Variants in FHIT observed in about 807,000 individuals in gnomAD.
FHIT encodes bis(5'-adenosyl)-triphosphatase.
Under a neutral mutation model 17.9 loss-of-function variants are expected in FHIT, and 19 were observed. That is an observed-to-expected ratio of 1.06 (90% CI 0.74 to 1.56). The LOEUF is 1.56. FHIT is among the 40% of genes most tolerant of loss of function. The pLI is 0.00. For missense variants in FHIT, 248 were observed against 189.2 expected, an observed-to-expected ratio of 1.31 and a Z score of -1.82; for synonymous variants, 81 against 69.7, an observed-to-expected ratio of 1.16 and a Z score of -0.81.
intron 8 of FHIT, among the ~76,000 whole-genome samples, chr3:59,813,131 G>A (rs1700465695): frequency 6.6e-6 from 1 of 152,100 alleles, no homozygotes; most frequent in African/African-American, 2.4e-5. Context: ...ATTTTAATTA[G>A]TAATTACAAT....
At chr3:59,845,791 TG>T (rs1288552518) in intron 8 of FHIT, among the ~76,000 whole-genome samples, 1 of 152,176 alleles carries the variant, frequency 6.6e-6, no homozygotes, top group African/African-American at 2.4e-5. Context: ...TAGATCCAGC[TG>T]GTTTACTGTT....
chr3:61,054,410 C>A lies in FHIT; in HGVS notation c.-163-12311G>T, dbSNP rs182606408. 1.5e-3 allele frequency among the ~76,000 whole-genome samples: 224 copies of A among 151,708 alleles called. 1 individual carries two copies. The highest frequency in any genetic ancestry group is 0.012 in the Admixed American group (176 of 15,242). On this transcript the variant is annotated intron_variant, in intron 2 of 9. Transcript: ENST00000492590. ...ATCTGTGATTCCATATGATAAATTA[C>A]TTTAAAAGGGTGACATACAGTGCTA...
At chr3:60,062,840 A>C (rs1051703639) in intron 5 of FHIT, among the ~76,000 whole-genome samples, 1 of 152,160 alleles carries the variant, frequency 6.6e-6, no homozygotes, top group Non-Finnish European at 1.5e-5. Flanking sequence ...ATGTTCATTA[A>C]ACCATCTCAG....
chr3:60,365,054 A>G lies in FHIT; in HGVS notation c.103+171806T>C, dbSNP rs1700052046. ...TATGTATGTATCTATCTGAATATAT[A>G]TATATATATTCTATTGGTTCTGTTC... is the stretch of plus-strand genomic sequence containing the variant. On this transcript the variant is annotated intron_variant, in intron 5 of 9. Transcript: ENST00000492590. Among the ~76,000 whole-genome samples the G allele has an allele frequency of 2.0e-5, 3 of 150,728 alleles. No individual in the cohort carries two copies. In the East Asian group the frequency reaches 5.8e-4, roughly 29 times the overall value.
intron 5 of FHIT, among the ~76,000 whole-genome samples, chr3:60,173,915 A>ATATATATAT: frequency 1.5e-5 from 1 of 66,442 alleles, no homozygotes; most frequent in Non-Finnish European, 2.8e-5. Context: ...ATATATATAT[A>ATATATATAT]TGTTTTTTTT....
intron 5 of FHIT, among the ~76,000 whole-genome samples, chr3:60,079,676 C>T (rs947770523): frequency 6.6e-6 from 1 of 151,886 alleles, no homozygotes. Flanking sequence ...AAAGAAGATA[C>T]GTGGGAAGGA....
intron 8 of FHIT, among the ~76,000 whole-genome samples, chr3:59,838,316 T>C (rs1406549447): frequency 1.3e-5 from 2 of 152,168 alleles, no homozygotes; most frequent in Admixed American, 6.5e-5. Context: ...TGTTTCTGCC[T>C]TCATTGTCTA....
At position 60,573,066 on chromosome 3, in the gene FHIT, C is replaced by A. The variant is rs577078640; in HGVS notation, c.-17-36087G>T. ...CTAAGTGGCAGGCTCAGGACCTGCA[C>A]CCAGGTCTTCCCAAGGCCAAAGTTT... is the stretch of plus-strand genomic sequence containing the variant. On this transcript the variant is annotated intron_variant, in intron 4 of 9. Transcript: ENST00000492590. 2.0e-5 allele frequency among the ~76,000 whole-genome samples: 3 copies of A among 152,264 alleles called. No homozygotes were observed. The East Asian group carries it at 5.8e-4, about 29-fold the overall frequency.
intron 5 of FHIT, among the ~76,000 whole-genome samples, chr3:60,103,341 G>T (rs563604035): frequency 6.6e-6 from 1 of 152,082 alleles, no homozygotes; most frequent in Non-Finnish European, 1.5e-5. Flanking sequence ...AAAGAAAGGC[G>T]TACACATTTT....
At position 60,536,993 on chromosome 3, in the gene FHIT, C is replaced by A. The variant is rs1301201370; in HGVS notation, c.-17-14G>T. 3.8e-6 allele frequency: 6 copies of A among 1,586,816 alleles called. No individual in the cohort carries two copies. Among genetic ancestry groups the A allele is most frequent in the Non-Finnish European group, 5.1e-6 (6 of 1,170,776 alleles). On this transcript the variant is annotated splice_polypyrimidine_tract_variant and intron_variant, in intron 4 of 9. Transcript: ENST00000492590. ...CACAGTTGAAGTCTAAAAGAAAAGA[C>A]AATGGATAGTTATAAAATTCAATTA...
At chr3:60,114,980 G>A (rs1322650082) in intron 5 of FHIT, among the ~76,000 whole-genome samples, 1 of 151,956 alleles carries the variant, frequency 6.6e-6, no homozygotes, top group Admixed American at 6.6e-5. Context: ...ACAAACAATG[G>A]CTAACTATTT....
intron 4 of FHIT, among the ~76,000 whole-genome samples, chr3:60,640,703 G>GA (rs1271830760): frequency 6.6e-6 from 1 of 151,932 alleles, no homozygotes; most frequent in African/African-American, 2.4e-5. Context: ...AAACTCAACT[G>GA]AAAAAAATGT....
At chr3:59,909,151 A>G (rs1237562123) in intron 8 of FHIT, among the ~76,000 whole-genome samples, 2 of 151,930 alleles carry the variant, frequency 1.3e-5, no homozygotes, top group African/African-American at 4.8e-5. Context: ...CTCCTGCCTC[A>G]GCCTCCTGAG....
At chr3:60,915,707 A>T (rs781890947) in intron 3 of FHIT, among the ~76,000 whole-genome samples, 22 of 152,214 alleles carry the variant, frequency 1.4e-4, no homozygotes, top group Admixed American at 3.9e-4. Flanking sequence ...AGAAACTTTT[A>T]GGTGTTCTAA....
At chr3:61,036,436 T>C (rs891601205) in intron 3 of FHIT, among the ~76,000 whole-genome samples, 9 of 152,160 alleles carry the variant, frequency 5.9e-5, no homozygotes, top group Admixed American at 2.0e-4. Context: ...GTTCAGATTG[T>C]AGTATAGAAA....
chr3:59,909,555 C>T (rs924498225), intron 8 of FHIT, among the ~76,000 whole-genome samples: 1 of 152,166 alleles, frequency 6.6e-6, no homozygotes, highest in African/African-American at 2.4e-5. Flanking sequence ...GTCTCAAACT[C>T]CTGACCTCAA....
intron 5 of FHIT, among the ~76,000 whole-genome samples, chr3:60,109,265 A>G (rs955931584): frequency 7.9e-5 from 12 of 152,192 alleles, no homozygotes; most frequent in African/African-American, 2.9e-4. Context: ...CCAGTAAGAA[A>G]TATTAGCTCT....
intron 4 of FHIT, among the ~76,000 whole-genome samples, chr3:60,788,440 A>ATG (rs564827293): frequency 3.4e-4 from 52 of 152,326 alleles, no homozygotes; most frequent in Non-Finnish European, 5.4e-4. Context: ...AACTATATAT[A>ATG]TACATAGAAT....
rs60268372 is a variant in FHIT at position 60,028,159 on chromosome 3, T to C, written c.104-14007A>G. On this transcript the variant is annotated intron_variant, in intron 5 of 9. Coordinates refer to ENST00000492590, the MANE Select transcript of FHIT (RefSeq NM_002012.4). ...AAGGTGGGTGGCCACCACCTAGAGA[T>C]TTTTTTGTTCCTGAAGAAACTAGAA... 8.1e-3 allele frequency among the ~76,000 whole-genome samples: 909 copies of C among 111,854 alleles called. 11 individuals are homozygous for C. The highest frequency in any genetic ancestry group is 0.03 in the African/African-American group (861 of 28,536). The allele number at this position is 111,854 out of a possible 152,430, so 73.4% of individuals were successfully genotyped here.
Sources: gnomAD v4.1 joint callset for allele counts (sites outside exome capture counted in the v4.1 genomes callset) on GRCh38, gnomAD v4.1.1 for gene constraint, MANE v1.5 for transcripts, NCBI Gene and HGNC (gene_info 2026-07-23, HGNC 2026-07-21) for gene names.